SLC36A1: variants seen among roughly 807,000 people sequenced by gnomAD.
The protein encoded by SLC36A1 is proton-coupled amino acid transporter 1.
A neutral mutation model predicts 47.5 loss-of-function variants in SLC36A1; 30 were observed. That is an observed-to-expected ratio of 0.63 (90% confidence interval 0.47 to 0.86). The LOEUF (loss-of-function observed/expected upper bound fraction) is 0.86, where lower values mean the gene tolerates loss of function less well. SLC36A1 is among the 40% of genes least tolerant of loss of function. The pLI is 0.00. For missense variants in SLC36A1, 517 were observed against 606.0 expected (o/e 0.85, Z 1.54); for synonymous variants, 255 against 249.7 (o/e 1.02, Z -0.20).
the SLC36A1 span, among the ~76,000 whole-genome samples, chr5:151,523,031 T>G: frequency 6.6e-6 from 1 of 152,186 alleles, no homozygotes; most frequent in Non-Finnish European, 1.5e-5. Flanking sequence ...CAGGCTTGCC[T>G]TCTTCTCCTC....
the SLC36A1 span, among the ~76,000 whole-genome samples, chr5:151,398,133 C>T: frequency 6.6e-6 from 1 of 152,066 alleles, no homozygotes; most frequent in Non-Finnish European, 1.5e-5. Flanking sequence ...AAAAATTATA[C>T]ATGGACAGTC....
At chr5:151,426,391 T>G in the SLC36A1 span, among the ~76,000 whole-genome samples, 6 of 151,694 alleles carry the variant, frequency 4.0e-5, no homozygotes, top group East Asian at 1.2e-3. Context: ...AGGATAATGG[T>G]GGGGAGAGGG....
intron 8 of SLC36A1, among the ~76,000 whole-genome samples, chr5:151,476,385 C>T (rs1004967196): frequency 3.3e-5 from 5 of 152,242 alleles, no homozygotes; most frequent in African/African-American, 1.2e-4. Context: ...ACTTTTAGGA[C>T]TTCCTAGCTA....
chr5:151,505,752 G>A, the SLC36A1 span: 2 of 1,613,840 alleles, frequency 1.2e-6, no homozygotes, highest in South Asian at 1.1e-5. Flanking sequence ...TGCCAGGCAG[G>A]GCCCTCCCCC....
chr5:151,356,208 T>A, the SLC36A1 span, among the ~76,000 whole-genome samples: 1 of 150,972 alleles, frequency 6.6e-6, no homozygotes, highest in African/African-American at 2.4e-5. Flanking sequence ...GCATGGTGGC[T>A]CACACCTGTA....
At chr5:151,385,423 A>C in the SLC36A1 span, among the ~76,000 whole-genome samples, 6 of 152,350 alleles carry the variant, frequency 3.9e-5, no homozygotes, top group East Asian at 9.6e-4. Context: ...TGGGGCTCCT[A>C]GGAATTTCCA....
At chr5:151,454,671 C>T (rs1754212922) in intron 1 of SLC36A1, among the ~76,000 whole-genome samples, 1 of 149,300 alleles carries the variant, frequency 6.7e-6, no homozygotes. Context: ...CCTGCCTGAC[C>T]TTTGAGGCCC....
At chr5:151,553,498 A>C in the SLC36A1 span, 16 of 906,314 alleles carry the variant, frequency 1.8e-5, no homozygotes, top group African/African-American at 3.3e-5. Flanking sequence ...CAGGCCTCTC[A>C]TCCAGTCATT....
At chr5:151,392,095 A>C in the SLC36A1 span, among the ~76,000 whole-genome samples, 1 of 152,178 alleles carries the variant, frequency 6.6e-6, no homozygotes, top group Non-Finnish European at 1.5e-5. Flanking sequence ...TTATTGGTCT[A>C]TTCAGGGATT....
chr5:151,505,890 C>G, the SLC36A1 span: 1 of 1,603,038 alleles, frequency 6.2e-7, no homozygotes. Flanking sequence ...GTTGCTGTAA[C>G]GGGGTGGGAG....
At chr5:151,437,983 C>A (rs1300195642) in intron 1 of SLC36A1, among the ~76,000 whole-genome samples, 1 of 152,102 alleles carries the variant, frequency 6.6e-6, no homozygotes, top group Non-Finnish European at 1.5e-5. Flanking sequence ...AAACTTCTCT[C>A]CTCTCTGACC....
At chr5:151,366,244 C>T in the SLC36A1 span, among the ~76,000 whole-genome samples, 1 of 152,186 alleles carries the variant, frequency 6.6e-6, no homozygotes, top group Non-Finnish European at 1.5e-5. Flanking sequence ...GATCCTCTGA[C>T]CCCACTCCTG....
the SLC36A1 span, chr5:151,549,372 C>CCG: frequency 6.2e-7 from 1 of 1,614,036 alleles, no homozygotes; most frequent in Non-Finnish European, 8.5e-7. Flanking sequence ...CAGCTCTGTG[C>CCG]CGGGGGCTAT....
intron 7 of SLC36A1, among the ~76,000 whole-genome samples, chr5:151,470,633 T>C (rs1052468946): frequency 1.3e-5 from 2 of 152,248 alleles, no homozygotes; most frequent in Non-Finnish European, 2.9e-5. Flanking sequence ...CATTTTGATG[T>C]GTCATACAGC....
chr5:151,434,643 C>G (rs1283264699), upstream of SLC36A1, among the ~76,000 whole-genome samples: 4 of 152,120 alleles, frequency 2.6e-5, no homozygotes, highest in Admixed American at 2.0e-4. Flanking sequence ...GAAATCCTAA[C>G]CCTCAGTGTG....
the SLC36A1 span, among the ~76,000 whole-genome samples, chr5:151,390,644 C>T: frequency 2.0e-5 from 3 of 152,206 alleles, no homozygotes; most frequent in African/African-American, 7.2e-5. Flanking sequence ...GTTTTCCCAG[C>T]ACCATTTATT....
chr5:151,459,869 A>G (rs2127474383), intron 2 of SLC36A1: 1 of 152,358 alleles, frequency 6.6e-6, no homozygotes, highest in East Asian at 1.9e-4. Flanking sequence ...CTGCTGGTAC[A>G]GGGCATTTTC....
the SLC36A1 span, among the ~76,000 whole-genome samples, chr5:151,400,720 G>A: frequency 6.6e-6 from 1 of 151,884 alleles, no homozygotes; most frequent in Non-Finnish European, 1.5e-5. Context: ...TAGCCGTTCT[G>A]ACTGGTGTGA....
At chr5:151,426,174 C>T in the SLC36A1 span, among the ~76,000 whole-genome samples, 2 of 152,340 alleles carry the variant, frequency 1.3e-5, no homozygotes, top group Admixed American at 6.5e-5. Context: ...CCAGCCCCTC[C>T]ACACCTGTGG....
Sources: allele counts gnomAD v4.1 joint callset (sites outside exome capture counted in the v4.1 genomes callset), GRCh38; gene constraint gnomAD v4.1.1; transcripts MANE v1.5; gene names NCBI Gene and HGNC (gene_info 2026-07-23, HGNC 2026-07-21).